AFG2A: variants seen among roughly 807,000 people sequenced by gnomAD.
AFG2A encodes the protein ATPase family gene 2 protein homolog A.
chr4:123,086,791 T>C, the AFG2A span, among the ~76,000 whole-genome samples: 1 of 152,154 alleles, frequency 6.6e-6, no homozygotes, highest in Non-Finnish European at 1.5e-5. Flanking sequence ...TATCCGTAAG[T>C]GCAGAGATTC....
chr4:123,242,611 A>C, the AFG2A span, among the ~76,000 whole-genome samples: 56 of 152,354 alleles, frequency 3.7e-4, no homozygotes, highest in East Asian at 6.4e-3. Flanking sequence ...AGATGTATTA[A>C]AGACTTAAAT....
chr4:123,252,963 GA>G, the AFG2A span, among the ~76,000 whole-genome samples: 806 of 152,230 alleles, frequency 5.3e-3, 5 homozygotes, highest in African/African-American at 0.018. Context: ...TTCTATTGTT[GA>G]GTAGTATTCC....
chr4:123,212,505 A>G, the AFG2A span, among the ~76,000 whole-genome samples: 1 of 152,196 alleles, frequency 6.6e-6, no homozygotes, highest in Admixed American at 6.5e-5. Flanking sequence ...GTAAGAACAT[A>G]CCAAAATTCC....
At chr4:123,107,054 C>T in the AFG2A span, among the ~76,000 whole-genome samples, 904 of 152,258 alleles carry the variant, frequency 5.9e-3, 10 homozygotes, top group African/African-American at 0.02. Flanking sequence ...CGTGACTGGA[C>T]GAGGGGAACA....
At chr4:123,048,594 A>T in the AFG2A span, among the ~76,000 whole-genome samples, 1 of 152,086 alleles carries the variant, frequency 6.6e-6, no homozygotes, top group East Asian at 1.9e-4. Flanking sequence ...GGTCAAAGAA[A>T]ATTTATTCCT....
chr4:123,043,047 A>G, the AFG2A span, among the ~76,000 whole-genome samples: 2 of 152,128 alleles, frequency 1.3e-5, no homozygotes, highest in Non-Finnish European at 2.9e-5. Context: ...AATTGTTTTA[A>G]TATTTCTTGT....
chr4:123,150,758 GA>G, the AFG2A span, among the ~76,000 whole-genome samples: 2 of 152,104 alleles, frequency 1.3e-5, no homozygotes, highest in Admixed American at 6.6e-5. Flanking sequence ...CACAGAATTA[GA>G]AGAAACTACT....
At chr4:123,083,429 T>C in the AFG2A span, among the ~76,000 whole-genome samples, 1 of 149,130 alleles carries the variant, frequency 6.7e-6, no homozygotes, top group South Asian at 2.1e-4. Flanking sequence ...TCAGTCTTGA[T>C]GAGATGGATT....
chr4:123,182,172 C>T, the AFG2A span, among the ~76,000 whole-genome samples: 1 of 152,156 alleles, frequency 6.6e-6, no homozygotes, highest in Non-Finnish European at 1.5e-5. Flanking sequence ...AAGCACAAAA[C>T]ATTAAATCAT....
At chr4:123,244,739 T>C in the AFG2A span, among the ~76,000 whole-genome samples, 2 of 152,232 alleles carry the variant, frequency 1.3e-5, no homozygotes, top group Non-Finnish European at 2.9e-5. Flanking sequence ...AAAACCTTAG[T>C]TATCCAGAAA....
chr4:123,229,989 T>C, the AFG2A span, among the ~76,000 whole-genome samples: 1 of 151,626 alleles, frequency 6.6e-6, no homozygotes, highest in African/African-American at 2.4e-5. Context: ...CAGAATACTT[T>C]ATTGCTAAAA....
At chr4:123,057,674 C>T in the AFG2A span, among the ~76,000 whole-genome samples, 1 of 152,060 alleles carries the variant, frequency 6.6e-6, no homozygotes, top group Admixed American at 6.6e-5. Flanking sequence ...AAATACGTTA[C>T]ACAGATTTTA....
the AFG2A span, chr4:122,947,211 T>C: frequency 2.3e-5 from 35 of 1,508,330 alleles, no homozygotes; most frequent in Non-Finnish European, 3.0e-5. Context: ...AAAATAAATT[T>C]ATTTTCATTT....
chr4:123,131,520 C>T, the AFG2A span, among the ~76,000 whole-genome samples: 1 of 152,100 alleles, frequency 6.6e-6, no homozygotes, highest in Non-Finnish European at 1.5e-5. Context: ...CCCCCAGTCC[C>T]TTTCTACTTT....
chr4:122,923,363 G>C, the AFG2A span: 1 of 1,604,676 alleles, frequency 6.2e-7, no homozygotes, highest in African/African-American at 1.3e-5. Flanking sequence ...AGGGGCGGGA[G>C]ACTCAGTGAT....
chr4:122,929,165 G>A, the AFG2A span: 1 of 1,607,706 alleles, frequency 6.2e-7, no homozygotes, highest in South Asian at 1.1e-5. Flanking sequence ...TGGGTGCTGT[G>A]CTACAGGCTG....
chr4:123,118,193 C>A, the AFG2A span, among the ~76,000 whole-genome samples: 3 of 150,198 alleles, frequency 2.0e-5, no homozygotes, highest in Non-Finnish European at 4.4e-5. Context: ...CCACTGTACC[C>A]CAACCTTTCC....
At chr4:123,069,958 C>T in the AFG2A span, among the ~76,000 whole-genome samples, 1 of 152,094 alleles carries the variant, frequency 6.6e-6, no homozygotes, top group Non-Finnish European at 1.5e-5. Context: ...TTCAGAGGAG[C>T]AGTTCTGATC....
At chr4:123,269,398 T>C in the AFG2A span, among the ~76,000 whole-genome samples, 1 of 152,210 alleles carries the variant, frequency 6.6e-6, no homozygotes, top group Non-Finnish European at 1.5e-5. Context: ...AAACATAACA[T>C]GAGTACCCAT....
Sources: gnomAD v4.1 joint callset for allele counts (sites outside exome capture counted in the v4.1 genomes callset) on GRCh38, gnomAD v4.1.1 for gene constraint, MANE v1.5 for transcripts, NCBI Gene and HGNC (gene_info 2026-07-23, HGNC 2026-07-21) for gene names.